The following ALG6 variants were observed in gnomAD, a reference collection of about 807,000 sequenced individuals.
ALG6 encodes ALG6 alpha-1,3-glucosyltransferase.
ALG6 carries 46 observed loss-of-function variants against 66.6 expected under a neutral mutation model. The ratio of observed to expected loss-of-function variants is 0.69; its 90% CI spans 0.55 to 0.88. ALG6 has a LOEUF of 0.88. Ranked by LOEUF, ALG6 falls within the 40% of genes least tolerant of loss-of-function variation. The pLI, the probability that ALG6 is intolerant of heterozygous loss-of-function variation, is 0.00. For synonymous variants in ALG6, 185 were observed against 203.7 expected (o/e 0.91, Z 0.78); for missense variants, 505 against 586.8 (o/e 0.86, Z 1.44).
chr1:63,396,977 G>C (rs775403522), intron 3 of ALG6, among the ~76,000 whole-genome samples: 3 of 152,112 alleles, frequency 2.0e-5, no homozygotes, highest in Non-Finnish European at 2.9e-5. Flanking sequence ...AAATAAAAGA[G>C]AGCTTTGGCA....
At position 63,436,894 on chromosome 1, in the gene ALG6, A is replaced by T. The variant is rs140158304; in HGVS notation, c.1398A>T (p.Leu466=). Residue 466 remains leucine, a synonymous_variant, in exon 15 of 15, where the codon CTA becomes CTT. Coordinates refer to ENST00000263440, the MANE Select transcript of ALG6 (RefSeq NM_013339.4). ...MTVTLDPPQK[L]PDLFSVLVCF... is the part of the protein sequence containing the mutation. Reference sequence around the variant, plus strand: ...TCACACTGGATCCTCCTCAGAAACTACCGGACTTGTTTTCTGTATTGGTGT... The same window carrying T: ...TCACACTGGATCCTCCTCAGAAACTTCCGGACTTGTTTTCTGTATTGGTGT... The T allele has an allele frequency of 2.9e-4, 466 of 1,613,872 alleles. 2 individuals are homozygous for T. In the African/African-American group the frequency reaches 5.7e-3, roughly 20 times the overall value.
chr1:63,409,992 A>G (rs775989886), intron 7 of ALG6, among the ~76,000 whole-genome samples: 2 of 152,020 alleles, frequency 1.3e-5, no homozygotes, highest in Admixed American at 6.6e-5. Flanking sequence ...TTTGACTTCT[A>G]CCTCTAGGGA....
chr1:63,389,249 A>G (rs780600307), intron 2 of ALG6, among the ~76,000 whole-genome samples: 2 of 152,104 alleles, frequency 1.3e-5, no homozygotes, highest in Non-Finnish European at 2.9e-5. Flanking sequence ...TAGATCTTCT[A>G]GGCATGCTTC....
Position 63,370,760 on chromosome 1 carries a change from T to C in ALG6, c.-207-11T>C. 1.8e-6 allele frequency: 1 copy of C among 567,558 alleles called. No homozygotes were observed. Among genetic ancestry groups the C allele is most frequent in the Non-Finnish European group, 3.1e-6 (1 of 318,078 alleles). The allele number at this position is 567,558 out of a possible 1,614,324, so 35.2% of individuals were successfully genotyped here. On this transcript the variant is annotated splice_polypyrimidine_tract_variant and intron_variant, in intron 1 of 14. Coordinates refer to ENST00000263440, the MANE Select transcript of ALG6 (RefSeq NM_013339.4). ...TCAGCTGAATCTTGATATCTTTTTTTTTCCCCTTAGGATACTTCTACATAG... is the reference window on the plus strand; with the variant it reads ...TCAGCTGAATCTTGATATCTTTTTTCTTCCCCTTAGGATACTTCTACATAG...
intron 11 of ALG6, 84 bp from the exon 12 acceptor site, chr1:63,419,285 AT>A: frequency 8.8e-7 from 1 of 1,142,788 alleles, no homozygotes; most frequent in South Asian, 1.3e-5. Flanking sequence ...TTCATTTGAA[AT>A]GATTTTTATT....
At chr1:63,434,886 C>A (rs1240719584) in intron 14 of ALG6, among the ~76,000 whole-genome samples, 1 of 152,096 alleles carries the variant, frequency 6.6e-6, no homozygotes, top group Admixed American at 6.5e-5. Context: ...ACATGAGGAA[C>A]CAGCAAAGAT....
rs181539401 is a variant in ALG6 at position 63,406,873 on chromosome 1, A to G, written c.430-189A>G. Among the ~76,000 whole-genome samples, 17 of 152,172 alleles carry G rather than the reference A, an allele frequency of 1.1e-4. 1 individual carries two copies. In the East Asian group the frequency reaches 3.1e-3, roughly 28 times the overall value. ...TTTTTCCTTTTTATGGAAGTGTCCA[A>G]TGTCACCTTCATGAAAACTTCATTG... On this transcript the variant is annotated intron_variant, in intron 6 of 14. Transcript: ENST00000263440.
chr1:63,407,259 A>T (rs1162188175), intron 7 of ALG6, 133 bp downstream of exon 7: 1 of 663,080 alleles, frequency 1.5e-6, no homozygotes, highest in African/African-American at 1.8e-5. Flanking sequence ...ACAATAATAT[A>T]AAAGAATCTC....
chr1:63,402,602 G>A (rs1644470569), intron 4 of ALG6, among the ~76,000 whole-genome samples: 1 of 151,138 alleles, frequency 6.6e-6, no homozygotes, highest in South Asian at 2.1e-4. Context: ...GAGTAGCTGG[G>A]AGTACAGGTG....
chr1:63,395,902 G>T (rs1648810817), intron 2 of ALG6, among the ~76,000 whole-genome samples: 1 of 152,118 alleles, frequency 6.6e-6, no homozygotes, highest in African/African-American at 2.4e-5. Flanking sequence ...AAGGATGATT[G>T]TGCCTGTACT....
chr1:63,416,781 T>C (rs1369534737), intron 11 of ALG6, among the ~76,000 whole-genome samples: 2 of 152,182 alleles, frequency 1.3e-5, no homozygotes, highest in Admixed American at 1.3e-4. Context: ...TGGTTGTGTT[T>C]CTATGGCATT....
At chr1:63,400,206 A>AAAAATATATATATATAT (rs1412046755) in intron 3 of ALG6, among the ~76,000 whole-genome samples, 1 of 36,428 alleles carries the variant, frequency 2.7e-5, no homozygotes, top group Admixed American at 3.8e-4. Context: ...AAAAAAAAAA[A>AAAAATATATATATATAT]ATATATATAT....
At chr1:63,405,290 T>A (rs1447474230) in intron 5 of ALG6, among the ~76,000 whole-genome samples, 1 of 152,150 alleles carries the variant, frequency 6.6e-6, no homozygotes, top group Non-Finnish European at 1.5e-5. Context: ...ACACACCATG[T>A]GATTATTTGG....
chr1:63,405,774 AT>A (rs1180193106), intron 5 of ALG6, among the ~76,000 whole-genome samples: 1 of 152,014 alleles, frequency 6.6e-6, no homozygotes, highest in Non-Finnish European at 1.5e-5. Context: ...GAACTTATGT[AT>A]TTATTTTTCT....
rs192248307 is a variant in ALG6 at position 63,381,322 on chromosome 1, C to T, written c.82+10263C>T. ...ACAAAAAATTAGCTGTGCGTGGTGG[C>T]GGGCGCCTGTAGTCCCAGCTACTAG... On this transcript the variant is annotated intron_variant, in intron 2 of 14. Transcript: ENST00000263440. Among the ~76,000 whole-genome samples the T allele has an allele frequency of 5.3e-4, 80 of 152,230 alleles. 1 individual carries two copies. In the East Asian group the frequency reaches 0.013, roughly 25 times the overall value.
At chr1:63,422,308 T>TAG (rs1365204049) in intron 12 of ALG6, among the ~76,000 whole-genome samples, 16 of 79,556 alleles carry the variant, frequency 2.0e-4, no homozygotes, top group African/African-American at 8.7e-4. Context: ...GATATAAATA[T>TAG]ATATCTATAT....
intron 12 of ALG6, among the ~76,000 whole-genome samples, chr1:63,421,763 T>C (rs781470714): frequency 1.1e-4 from 16 of 150,722 alleles, no homozygotes; most frequent in Non-Finnish European, 8.8e-5. Flanking sequence ...CTCAGCAAAC[T>C]AACACAGCAA....
rs145265720 is a variant in ALG6, at chr1:63,417,744, C to G, written c.988-1626C>G. On this transcript the variant is annotated intron_variant, in intron 11 of 14. Transcript: ENST00000263440. ...AGGAATGACAGATGACATCCCTGCT[C>G]TCTTACTTGGGGCCTTCCATGCTAG... Among the ~76,000 whole-genome samples the G allele has an allele frequency of 4.5e-3, 683 of 152,288 alleles. 5 individuals carry two copies. Among genetic ancestry groups the G allele is most frequent in the African/African-American group, 0.015 (627 of 41,562 alleles).
intron 12 of ALG6, among the ~76,000 whole-genome samples, chr1:63,427,723 A>G (rs6697508): frequency 0.75 from 113,322 of 151,168 alleles, 42,972 homozygotes; most frequent in South Asian, 0.87. Flanking sequence ...ATTGAATCCC[A>G]AAGGTACTGG....
Sources: gnomAD v4.1 joint callset for allele counts (sites outside exome capture counted in the v4.1 genomes callset) on GRCh38, gnomAD v4.1.1 for gene constraint, MANE v1.5 for transcripts, NCBI Gene and HGNC (gene_info 2026-07-23, HGNC 2026-07-21) for gene names.